Variants in NQO1 observed in about 807,000 individuals in gnomAD.
NQO1 encodes NAD(P)H quinone dehydrogenase 1.
In NQO1, 30 loss-of-function variants were observed where a neutral mutation model predicts 32.1. The observed-to-expected ratio is 0.94, with a 90% confidence interval of 0.70 to 1.27. The LOEUF (loss-of-function observed/expected upper bound fraction) is 1.27, where lower values mean the gene tolerates loss of function less well. NQO1 is among the 50% of genes most tolerant of loss of function. NQO1 has a pLI of 0.00. For missense variants in NQO1, 276 were observed against 331.3 expected, an observed-to-expected ratio of 0.83 and a Z score of 1.30; for synonymous variants, 109 against 119.7, an observed-to-expected ratio of 0.91 and a Z score of 0.59.
intron 4 of NQO1, among the ~76,000 whole-genome samples, chr16:69,714,431 A>G (rs1195566924): frequency 2.0e-5 from 3 of 151,494 alleles, no homozygotes; most frequent in Non-Finnish European, 4.4e-5. Context: ...TCGGCCTCCC[A>G]AAGTGCTGAA....
chr16:69,726,451 A>G lies in NQO1; in HGVS notation c.-12T>C, dbSNP rs1158612448. On this transcript the variant is annotated 5_prime_UTR_variant, in exon 1 of 6. Transcript: ENST00000320623. ...CACTCACCGACCATGGCTCTGGTGCAGTCCGGGGCGCTGATTGGCTGGGCT... is the reference window on the plus strand; with the variant it reads ...CACTCACCGACCATGGCTCTGGTGCGGTCCGGGGCGCTGATTGGCTGGGCT... 1 of 1,609,396 alleles carries G rather than the reference A, an allele frequency of 6.2e-7. No individual in the cohort carries two copies. Among genetic ancestry groups the G allele is most frequent in the East Asian group, 2.2e-5 (1 of 44,708 alleles).
chr16:69,713,295 G>A (rs867555613), intron 4 of NQO1, among the ~76,000 whole-genome samples, 166 bp from the exon 5 acceptor site: 22 of 152,304 alleles, frequency 1.4e-4, no homozygotes, highest in South Asian at 4.1e-4. Context: ...GACTCTGCAG[G>A]AGTGCCAGCC....
chr16:69,725,196 TCA>T (rs1409082755), intron 1 of NQO1, among the ~76,000 whole-genome samples: 1 of 152,206 alleles, frequency 6.6e-6, no homozygotes, highest in Non-Finnish European at 1.5e-5. Context: ...CCTGATAATT[TCA>T]GTTTGTCAAC....
At chr16:69,721,831 CAA>C (rs11325347) in intron 1 of NQO1, among the ~76,000 whole-genome samples, 138 of 97,104 alleles carry the variant, frequency 1.4e-3, no homozygotes, top group Middle Eastern at 5.4e-3. Context: ...CCGTTTCTAC[CAA>C]AAAAAAAAAA....
chr16:69,715,298 G>C (rs1037018351), intron 3 of NQO1, among the ~76,000 whole-genome samples: 2 of 152,200 alleles, frequency 1.3e-5, no homozygotes, highest in Admixed American at 1.3e-4. Context: ...TGCAAATATT[G>C]AGTGGGTCCG....
chr16:69,720,455 GA>G (rs1022697370), intron 1 of NQO1, among the ~76,000 whole-genome samples: 18 of 150,260 alleles, frequency 1.2e-4, no homozygotes, highest in African/African-American at 3.7e-4. Flanking sequence ...AAAAAAAAAA[GA>G]AAAAAAGAAA....
intron 2 of NQO1, 48 bp from the exon 3 acceptor site, chr16:69,718,301 G>C (rs370877207): frequency 1.9e-5 from 31 of 1,612,790 alleles, no homozygotes; most frequent in African/African-American, 4.0e-5. Flanking sequence ...CCAAAGCTGG[G>C]CCAGAGGACC....
intron 4 of NQO1, 146 bp from the exon 5 acceptor site, chr16:69,713,275 T>A (rs1256876268): frequency 3.1e-6 from 2 of 648,374 alleles, no homozygotes; most frequent in Non-Finnish European, 5.4e-6. Flanking sequence ...TCCCCTGAGC[T>A]ACATAATATG....
chr16:69,711,902 C>T (rs2151742340), intron 5 of NQO1, among the ~76,000 whole-genome samples: 1 of 152,208 alleles, frequency 6.6e-6, no homozygotes, highest in East Asian at 1.9e-4. Flanking sequence ...GATCCGCCTG[C>T]CTCAGTCTCC....
chr16:69,717,321 G>GCAGGAA (rs965907183), intron 3 of NQO1, among the ~76,000 whole-genome samples: 3 of 152,180 alleles, frequency 2.0e-5, no homozygotes, highest in Non-Finnish European at 4.4e-5. Flanking sequence ...GTGGTTTGCT[G>GCAGGAA]CAGGAACACA....
intron 1 of NQO1, 55 bp downstream of exon 1, chr16:69,726,378 A>C: frequency 1.2e-6 from 2 of 1,607,064 alleles, no homozygotes; most frequent in Non-Finnish European, 1.7e-6. Context: ...CCTCCTCCAC[A>C]GGCACCAGTG....
At position 69,714,999 on chromosome 16, in the gene NQO1, T is replaced by G; in HGVS notation, c.382A>C (p.Thr128Pro). ...ERVFIGEFAYTYAAMYDKGPF... is the reference protein window; with the variant it reads ...ERVFIGEFAYPYAAMYDKGPF... ...CCTTTGTCATACATGGCAGCGTAAG[T>G]GTAAGCAAACTCTCCTATGAACACT... Residue 128 changes from threonine (T) to proline (P), a missense_variant, in exon 4 of 6, where the codon ACT (threonine) becomes CCT (proline). Thr to Pro is a conservative substitution (Grantham distance 38). Transcript: ENST00000320623. 6.2e-7 allele frequency: 1 copy of G among 1,613,686 alleles called. No homozygotes were observed. Among genetic ancestry groups the G allele is most frequent in the Non-Finnish European group, 8.5e-7 (1 of 1,179,848 alleles).
Position 69,714,964 on chromosome 16 carries a change from C to T in NQO1, c.417G>A (p.Arg139=). The stretch of plus-strand genomic sequence containing the variant: ...AGAGCATTCAGAACCATCCACCTAC[C>T]CGGAAGGGTCCTTTGTCATACATGG... ...YAAMYDKGPF[R]SKKAVLSITT... Residue 139 remains arginine (R), a splice_region_variant and synonymous_variant, in exon 4 of 6, where the codon CGG becomes CGA. Coordinates refer to ENST00000320623, the MANE Select transcript of NQO1 (RefSeq NM_000903.3). 6.2e-7 allele frequency: 1 copy of T among 1,609,488 alleles called. No individual in the cohort carries two copies.
intron 1 of NQO1, among the ~76,000 whole-genome samples, chr16:69,718,933 G>C (rs2038153284): frequency 6.6e-6 from 1 of 151,830 alleles, no homozygotes; most frequent in Non-Finnish European, 1.5e-5. Flanking sequence ...TACTTGGGAG[G>C]CTGAGGCAGG....
rs1163669927 is a variant in NQO1 at position 69,726,559 on chromosome 16, G to A, written c.-120C>T. The A allele has an allele frequency of 3.7e-6, 5 of 1,360,682 alleles. No homozygotes were observed. Among genetic ancestry groups the A allele is most frequent in the African/African-American group, 1.4e-5 (1 of 69,362 alleles). 84.3% of individuals were successfully genotyped at this position (1,360,682 alleles called of 1,614,324 possible). ...GGCTGCAACCTTGTGGGAGTCGCGT[G>A]TGTAGTGCACGGTGCATTCTCTCTT... On this transcript the variant is annotated 5_prime_UTR_variant, in exon 1 of 6. Coordinates refer to ENST00000320623, the MANE Select transcript of NQO1 (RefSeq NM_000903.3).
In NQO1 at chr16:69,724,985, T is replaced by C. The variant is rs538716822; in HGVS notation, c.7+1448A>G. 8.5e-5 allele frequency among the ~76,000 whole-genome samples: 13 copies of C among 152,286 alleles called. No individual in the cohort carries two copies. The South Asian group carries it at 2.7e-3, about 32-fold the overall frequency. On this transcript the variant is annotated intron_variant, in intron 1 of 5. Transcript: ENST00000320623. ...CGTAAATACAGAACATTCTGTAAGA[T>C]TGAAAAGTCAGGAAATAGTTCCTGC...
At chr16:69,711,836 T>C (rs577690349) in intron 5 of NQO1, among the ~76,000 whole-genome samples, 89 of 152,040 alleles carry the variant, frequency 5.9e-4, no homozygotes, top group Non-Finnish European at 1.2e-3. Context: ...GTATCTTTAG[T>C]AGAGACAGGG....
chr16:69,724,071 T>G lies in NQO1; in HGVS notation c.7+2362A>C, dbSNP rs924165907. Among the ~76,000 whole-genome samples, 7 of 151,680 alleles carry G rather than the reference T, an allele frequency of 4.6e-5. No individual in the cohort carries two copies. In the South Asian group the frequency reaches 1.5e-3, roughly 32 times the overall value. On this transcript the variant is annotated intron_variant, in intron 1 of 5. Transcript: ENST00000320623. Reference sequence around the variant, plus strand: ...GCTCATGCCTGTAATCGTAGCACTTTGGGAGACCGAGGCGGGTGGATTACT... The same window carrying G: ...GCTCATGCCTGTAATCGTAGCACTTGGGGAGACCGAGGCGGGTGGATTACT...
chr16:69,714,397 C>G (rs985736650), intron 4 of NQO1, among the ~76,000 whole-genome samples: 3 of 143,546 alleles, frequency 2.1e-5, no homozygotes, highest in African/African-American at 7.8e-5. Context: ...TCTCAAACTC[C>G]TGACCTCAGG....
Sources: allele counts gnomAD v4.1 joint callset (sites outside exome capture counted in the v4.1 genomes callset), GRCh38; gene constraint gnomAD v4.1.1; transcripts MANE v1.5; gene names NCBI Gene and HGNC (gene_info 2026-07-23, HGNC 2026-07-21).